DNER: variants seen among roughly 807,000 people sequenced by gnomAD.
DNER encodes delta/notch like EGF repeat containing.
DNER carries 33 observed loss-of-function variants against 78.2 expected under a neutral mutation model. The observed-to-expected ratio is 0.42, with a 90% CI of 0.32 to 0.56. The LOEUF (loss-of-function observed/expected upper bound fraction) is 0.56, where lower values mean the gene tolerates loss of function less well. Ranked by LOEUF, DNER falls within the 20% of genes least tolerant of loss-of-function variation. DNER has a pLI of 0.11. For synonymous variants in DNER, 417 were observed against 384.8 expected (o/e 1.08, Z -0.98); for missense variants, 918 against 975.3 (o/e 0.94, Z 0.78).
chr2:229,658,074 T>G (rs1291222220), intron 1 of DNER, among the ~76,000 whole-genome samples: 1 of 152,204 alleles, frequency 6.6e-6, no homozygotes, highest in Non-Finnish European at 1.5e-5. Flanking sequence ...AAGCAGCTCG[T>G]CAGTCTAAGA....
chr2:229,642,590 C>A (rs1488056927), intron 1 of DNER, among the ~76,000 whole-genome samples: 1 of 152,212 alleles, frequency 6.6e-6, no homozygotes, highest in Non-Finnish European at 1.5e-5. Flanking sequence ...ACAAGAGAAG[C>A]CCTTCCCTGA....
At chr2:229,439,200 AC>A (rs1363222120) in intron 8 of DNER, among the ~76,000 whole-genome samples, 1 of 152,180 alleles carries the variant, frequency 6.6e-6, no homozygotes, top group East Asian at 1.9e-4. Context: ...TTGAATGTGC[AC>A]CCATTATTCA....
At chr2:229,507,119 T>C (rs1007378823) in intron 6 of DNER, among the ~76,000 whole-genome samples, 11 of 152,158 alleles carry the variant, frequency 7.2e-5, no homozygotes, top group African/African-American at 2.4e-4. Flanking sequence ...TAACTAAACA[T>C]AGAAAAGTTA....
intron 9 of DNER, among the ~76,000 whole-genome samples, chr2:229,412,531 C>A (rs1312277142): frequency 6.6e-6 from 1 of 152,028 alleles, no homozygotes; most frequent in African/African-American, 2.4e-5. Flanking sequence ...TAATACAAGG[C>A]TAAACATAAT....
At chr2:229,380,496 T>C (rs1692712231) in intron 11 of DNER, among the ~76,000 whole-genome samples, 1 of 152,184 alleles carries the variant, frequency 6.6e-6, no homozygotes, top group Non-Finnish European at 1.5e-5. Context: ...AGAAGCAATC[T>C]GGAATAGGGA....
chr2:229,633,741 A>C (rs956993663), intron 1 of DNER, among the ~76,000 whole-genome samples: 5 of 152,218 alleles, frequency 3.3e-5, no homozygotes, highest in African/African-American at 1.2e-4. Context: ...CATAGTGGAC[A>C]GCAGGCGCCC....
intron 1 of DNER, among the ~76,000 whole-genome samples, chr2:229,680,252 A>T (rs1169148613): frequency 1.3e-5 from 2 of 152,178 alleles, no homozygotes; most frequent in African/African-American, 4.8e-5. Context: ...GAGTATGGAC[A>T]CATCAATATG....
intron 5 of DNER, among the ~76,000 whole-genome samples, chr2:229,527,243 C>T (rs1303471017): frequency 6.6e-6 from 1 of 152,110 alleles, no homozygotes; most frequent in Non-Finnish European, 1.5e-5. Context: ...CAAATACCAC[C>T]AGCTTCCCCT....
In DNER at chr2:229,604,358, G is replaced by C. The variant is rs552169164; in HGVS notation, c.277-12470C>G. ...AGTAGGCTCTCAAAAAATATTTCTTGTCTGAAACAAAGAAGAGACCCCATT... is the reference window on the plus strand; with the variant it reads ...AGTAGGCTCTCAAAAAATATTTCTTCTCTGAAACAAAGAAGAGACCCCATT... On this transcript the variant is annotated intron_variant, in intron 1 of 12. Coordinates refer to ENST00000341772, the MANE Select transcript of DNER (RefSeq NM_139072.4). Among the ~76,000 whole-genome samples, 7 of 152,280 alleles carry C rather than the reference G, an allele frequency of 4.6e-5. No individual in the cohort carries two copies. In the South Asian group the frequency reaches 1.5e-3, roughly 32 times the overall value.
At chr2:229,394,767 A>T (rs1027365989) in intron 10 of DNER, among the ~76,000 whole-genome samples, 2 of 152,234 alleles carry the variant, frequency 1.3e-5, no homozygotes, top group African/African-American at 4.8e-5. Context: ...AGCAAAAGCA[A>T]AGTAAAATGG....
At chr2:229,697,919 T>C (rs1028186254) in intron 1 of DNER, among the ~76,000 whole-genome samples, 2 of 152,110 alleles carry the variant, frequency 1.3e-5, no homozygotes, top group African/African-American at 4.8e-5. Context: ...GCTGGGCACA[T>C]TGGTTCACGC....
intron 1 of DNER, among the ~76,000 whole-genome samples, chr2:229,705,504 A>G (rs1467747994): frequency 6.6e-6 from 1 of 152,226 alleles, no homozygotes; most frequent in Non-Finnish European, 1.5e-5. Context: ...TAAAACTTCC[A>G]GAATGGAACC....
chr2:229,641,162 C>A (rs944523695), intron 1 of DNER, among the ~76,000 whole-genome samples: 8 of 152,134 alleles, frequency 5.3e-5, no homozygotes, highest in African/African-American at 1.9e-4. Context: ...ACAGAAATAT[C>A]GGAAGTCAAC....
At chr2:229,411,543 C>CTGTTTCAAAAAAAAAAA (rs1299515977) in intron 9 of DNER, among the ~76,000 whole-genome samples, 1 of 151,314 alleles carries the variant, frequency 6.6e-6, no homozygotes, top group Non-Finnish European at 1.5e-5. Flanking sequence ...GGTGACAGAG[C>CTGTTTCAAAAAAAAAAA]AAGACTCTGT....
At chr2:229,621,358 T>C (rs72991660) in intron 1 of DNER, among the ~76,000 whole-genome samples, 3,245 of 152,302 alleles carry the variant, frequency 0.021, 48 homozygotes, top group Middle Eastern at 0.034. Flanking sequence ...TGGATTCTCA[T>C]TGACGACCAA....
At chr2:229,678,823 G>T (rs1204657678) in intron 1 of DNER, among the ~76,000 whole-genome samples, 1 of 152,122 alleles carries the variant, frequency 6.6e-6, no homozygotes, top group African/African-American at 2.4e-5. Flanking sequence ...TAATAAAAGG[G>T]GGAAGTGATT....
rs536146709 is a variant in DNER at position 229,358,328 on chromosome 2, T to C, written c.*212A>G. The C allele has an allele frequency of 1.1e-5, 4 of 376,242 alleles. No individual in the cohort carries two copies. In the South Asian group the frequency reaches 1.8e-4, roughly 17 times the overall value. The allele number at this position is 376,242 out of a possible 1,614,324, so 23.3% of individuals were successfully genotyped here. ...AGTAGAAGCACACAGTTTAGAGAGC[T>C]GAAGGTACATTAAAACATCGTCTAT... On this transcript the variant is annotated 3_prime_UTR_variant, in exon 13 of 13. Coordinates refer to ENST00000341772, the MANE Select transcript of DNER (RefSeq NM_139072.4).
At chr2:229,525,035 A>G (rs1696182815) in intron 5 of DNER, among the ~76,000 whole-genome samples, 1 of 152,002 alleles carries the variant, frequency 6.6e-6, no homozygotes. Context: ...CTCTTCTCTC[A>G]TCTCCCTTCC....
At chr2:229,447,007 T>G (rs747759923) in intron 8 of DNER, among the ~76,000 whole-genome samples, 11 of 152,236 alleles carry the variant, frequency 7.2e-5, no homozygotes, top group Non-Finnish European at 1.6e-4. Context: ...GTGATGAGAT[T>G]AAGCCTGTTT....
Sources: gnomAD v4.1 joint callset for allele counts (sites outside exome capture counted in the v4.1 genomes callset) on GRCh38, gnomAD v4.1.1 for gene constraint, MANE v1.5 for transcripts, NCBI Gene and HGNC (gene_info 2026-07-23, HGNC 2026-07-21) for gene names.